Variants in HECTD4 observed in about 807,000 individuals in gnomAD.
HECTD4 encodes the protein probable E3 ubiquitin-protein ligase HECTD4.
Under a neutral mutation model 471.5 loss-of-function variants are expected in HECTD4, and 114 were observed. The ratio of observed to expected loss-of-function variants is 0.24; its 90% CI spans 0.21 to 0.28. HECTD4 has a LOEUF of 0.28. Among genes scored for constraint, HECTD4 ranks in the 10% least tolerant of loss-of-function variants. The probability of loss-of-function intolerance (pLI) is 1.00; values close to 1 mark genes in which losing one functional copy is unlikely to be tolerated. For synonymous variants in HECTD4, 2,012 were observed against 2,256.0 expected, an observed-to-expected ratio of 0.89 and a Z score of 3.07; for missense variants, 3,866 against 5,651.5, an observed-to-expected ratio of 0.68 and a Z score of 10.13.
In HECTD4 at chr12:112,223,232, G is replaced by A. The variant is rs886705153; in HGVS notation, c.6970+3411C>T. Among the ~76,000 whole-genome samples, 3 of 152,282 alleles carry A rather than the reference G, an allele frequency of 2.0e-5. No homozygotes were observed. In the South Asian group the frequency reaches 6.2e-4, roughly 32 times the overall value. On this transcript the variant is annotated intron_variant, in intron 44 of 75. Coordinates refer to ENST00000682272, the MANE Select transcript of HECTD4 (RefSeq NM_001388303.1). ...AGTTGGAGAATATCTGGCTCAGGGA[G>A]TAAGTACATTAGGAAGCTGGGAGAA...
At chr12:112,192,404 A>T (rs2032108547) in intron 59 of HECTD4, among the ~76,000 whole-genome samples, 156 bp downstream of exon 59, 1 of 152,256 alleles carries the variant, frequency 6.6e-6, no homozygotes, top group Admixed American at 6.5e-5. Context: ...TGCCTCTAAA[A>T]GAAGCAGCAG....
chr12:112,178,908 C>T (rs767441705), intron 64 of HECTD4, 23 bp downstream of exon 64: 5 of 1,592,642 alleles, frequency 3.1e-6, no homozygotes, highest in Non-Finnish European at 4.3e-6. Flanking sequence ...GGCTGGGCTG[C>T]CCAGGCTCCT....
rs1252161108 is a variant in HECTD4, at chr12:112,364,369, T to C, written c.177+17583A>G. On this transcript the variant is annotated intron_variant, in intron 1 of 75. Coordinates refer to ENST00000682272, the MANE Select transcript of HECTD4 (RefSeq NM_001388303.1). ...TTGCAGTGAGCCGAGATTACGCCAC[T>C]GCACTCCAGCCTGGGTGACAGAGCA... 6.0e-5 allele frequency among the ~76,000 whole-genome samples: 9 copies of C among 150,984 alleles called. No individual in the cohort carries two copies. In the East Asian group the frequency reaches 1.8e-3, roughly 30 times the overall value.
chr12:112,170,543 C>T (rs774072848), intron 68 of HECTD4, 91 bp from the exon 69 acceptor site: 2 of 1,512,746 alleles, frequency 1.3e-6, no homozygotes, highest in Non-Finnish European at 1.8e-6. Context: ...CTGGGTGTGG[C>T]ACTCTCAGGC....
At chr12:112,334,660 A>G (rs1474915748) in intron 1 of HECTD4, among the ~76,000 whole-genome samples, 1 of 149,082 alleles carries the variant, frequency 6.7e-6, no homozygotes, top group Non-Finnish European at 1.5e-5. Context: ...AAAAAAAAAA[A>G]TAGCCGGCAT....
rs11066263 is a variant in HECTD4, at chr12:112,338,488, G to C, written c.178-18746C>G. On this transcript the variant is annotated intron_variant, in intron 1 of 75. Transcript: ENST00000682272. The stretch of plus-strand genomic sequence containing the variant: ...ATACAAAAATTAGCTAGACATGGTG[G>C]TGCGTGCCTGTAGTCACAGTTACTC... 1.4e-3 allele frequency among the ~76,000 whole-genome samples: 218 copies of C among 152,262 alleles called. 1 individual carries two copies. In the East Asian group the frequency reaches 0.037, roughly 26 times the overall value.
At position 112,193,732 on chromosome 12, in the gene HECTD4, A is replaced by G. The variant is rs572182456; in HGVS notation, c.8750-58T>C. ...AATCAAAGCAGCCAGTAGCTGTGAG[A>G]GTCTAAGTAACAGAAAATGAATAAC... is the stretch of plus-strand genomic sequence containing the variant. On this transcript the variant is annotated intron_variant, in intron 56 of 75. Transcript: ENST00000682272. This position sits in a 1 kb window ranked among gnomAD's most constrained non-coding sequence, Gnocchi z 5.2. 1.4e-6 allele frequency: 2 copies of G among 1,477,532 alleles called. No homozygotes were observed. The highest frequency in any genetic ancestry group is 2.4e-5 in the East Asian group (1 of 41,574). The allele number at this position is 1,477,532 out of a possible 1,614,324, so 91.5% of individuals were successfully genotyped here.
chr12:112,329,221 CCTCT>C (rs1397995797), intron 1 of HECTD4, among the ~76,000 whole-genome samples: 1 of 152,200 alleles, frequency 6.6e-6, no homozygotes, highest in East Asian at 1.9e-4. Context: ...ACTCTGATTT[CCTCT>C]CTTTCTCTTC....
At chr12:112,275,891 C>A (rs2034516037) in intron 9 of HECTD4, among the ~76,000 whole-genome samples, 1 of 152,150 alleles carries the variant, frequency 6.6e-6, no homozygotes, top group South Asian at 2.1e-4. Context: ...CATATGCTTT[C>A]TCCCCACTTG....
At position 112,243,402 on chromosome 12, in the gene HECTD4, C is replaced by T; in HGVS notation, c.4909G>A (p.Val1637Met). Residue 1637 changes from valine to methionine, a missense_variant, in exon 32 of 76, where the codon GTG becomes ATG. This residue lies in a region of HECTD4 where 229 missense variants were observed against 386.4 expected (regional missense o/e 0.59). Coordinates refer to ENST00000682272, the MANE Select transcript of HECTD4 (RefSeq NM_001388303.1). The surrounding 1 kb of genome is among the most constrained non-coding windows in gnomAD (Gnocchi z 6.6). ...GTCACTGGACCCACAAGATGCGTCACTCCCCCGACTCGTACGGCAGCTGTC... is the reference window on the plus strand; with the variant it reads ...GTCACTGGACCCACAAGATGCGTCATTCCCCCGACTCGTACGGCAGCTGTC... ...LLTAAVRVGG[V>M]THLVGPVTMV... 1 of 1,612,674 alleles carries T rather than the reference C, an allele frequency of 6.2e-7. No homozygotes were observed. Among genetic ancestry groups the T allele is most frequent in the Non-Finnish European group, 8.5e-7 (1 of 1,179,332 alleles).
chr12:112,259,111 C>A lies in HECTD4; in HGVS notation c.3027+1G>T. The A allele has an allele frequency of 6.2e-7, 1 of 1,606,952 alleles. No homozygotes were observed. Among genetic ancestry groups the A allele is most frequent in the Non-Finnish European group, 8.5e-7 (1 of 1,178,314 alleles). On this transcript the variant is annotated splice_donor_variant, in intron 19 of 75. Transcript: ENST00000682272. LOFTEE classifies it high-confidence loss of function. ...TCACTTTGGCACACCAAGGATCATA[C>A]CTGGCTGGTATAGAGTACCAGCTGC...
chr12:112,212,384 T>C, intron 49 of HECTD4, 103 bp downstream of exon 49: 2 of 893,900 alleles, frequency 2.2e-6, no homozygotes, highest in Non-Finnish European at 3.6e-6. Flanking sequence ...TGTACCAATA[T>C]TATGTACAAT....
intron 1 of HECTD4, among the ~76,000 whole-genome samples, chr12:112,336,584 A>G (rs969481509): frequency 6.6e-6 from 1 of 151,922 alleles, no homozygotes; most frequent in African/African-American, 2.4e-5. Context: ...AATATATTTA[A>G]TTATATTAAA....
rs1231478312 is a variant in HECTD4 at position 112,203,719 on chromosome 12, C to T, written c.8323G>A (p.Val2775Ile). ...PDSNNVASSA[V>I]GTALPKFAIR... The stretch of plus-strand genomic sequence containing the variant: ...GCAAATTTTGGCAGAGCAGTTCCAA[C>T]AGCACTGCTGGCTACATTATTGCTG... The change falls in exon 54 of 76, where the codon GTT becomes ATT. Residue 2775 changes from valine to isoleucine, a missense_variant. Transcript: ENST00000682272. 1.9e-6 allele frequency: 3 copies of T among 1,612,098 alleles called. No homozygotes were observed. The highest frequency in any genetic ancestry group is 1.3e-5 in the African/African-American group (1 of 74,890).
chr12:112,275,447 T>C (rs1375565007), intron 9 of HECTD4, among the ~76,000 whole-genome samples: 1 of 152,228 alleles, frequency 6.6e-6, no homozygotes, highest in Non-Finnish European at 1.5e-5. Context: ...TTAAAGAGCA[T>C]GGACTTTGGG....
intron 60 of HECTD4, among the ~76,000 whole-genome samples, 172 bp downstream of exon 60, chr12:112,190,614 A>T (rs902122738): frequency 1.3e-5 from 2 of 152,120 alleles, no homozygotes; most frequent in African/African-American, 4.8e-5. Flanking sequence ...TCTAGGTTGT[A>T]CCTTAAGATC....
intron 1 of HECTD4, among the ~76,000 whole-genome samples, chr12:112,369,952 T>A (rs1234617993): frequency 1.3e-5 from 2 of 152,164 alleles, no homozygotes; most frequent in African/African-American, 4.8e-5. Context: ...AATGTCCACC[T>A]ACTAATCCTT....
At chr12:112,380,161 T>C (rs796340909) in intron 1 of HECTD4, among the ~76,000 whole-genome samples, 1 of 152,202 alleles carries the variant, frequency 6.6e-6, no homozygotes, top group Non-Finnish European at 1.5e-5. Flanking sequence ...ACAAAGAGCA[T>C]AGGCACGGCA....
chr12:112,298,840 C>T (rs2035099794), intron 7 of HECTD4, among the ~76,000 whole-genome samples: 1 of 151,190 alleles, frequency 6.6e-6, no homozygotes, highest in African/African-American at 2.4e-5. Flanking sequence ...CGAGATCACA[C>T]CACTGCACTC....
Sources: allele counts gnomAD v4.1 joint callset (sites outside exome capture counted in the v4.1 genomes callset), GRCh38; gene constraint gnomAD v4.1.1; regional missense constraint gnomAD v4.1.1; non-coding constraint Gnocchi (gnomAD v3.1); transcripts MANE v1.5; gene names NCBI Gene and HGNC (gene_info 2026-07-23, HGNC 2026-07-21).